The following RNGTT variants were observed in gnomAD, a reference collection of about 807,000 sequenced individuals.
The protein encoded by RNGTT is RNA guanylyltransferase and 5'-phosphatase, also known as mRNA-capping enzyme.
In RNGTT, 33 loss-of-function variants were observed where a neutral mutation model predicts 79.3. The observed-to-expected ratio is 0.42, with a 90% CI of 0.32 to 0.56. The LOEUF is 0.56. Ranked by LOEUF, RNGTT falls within the 20% of genes least tolerant of loss-of-function variation. RNGTT has a pLI of 0.17. For synonymous variants in RNGTT, 222 were observed against 235.9 expected, an observed-to-expected ratio of 0.94 and a Z score of 0.54; for missense variants, 497 against 739.1, an observed-to-expected ratio of 0.67 and a Z score of 3.80.
intron 2 of RNGTT, among the ~76,000 whole-genome samples, chr6:88,930,006 A>T (rs1170137663): frequency 7.1e-6 from 1 of 139,954 alleles, no homozygotes; most frequent in Non-Finnish European, 1.6e-5. Context: ...ACATATATAC[A>T]TATGCATATG....
At chr6:88,885,160 C>T (rs1674428675) in intron 8 of RNGTT, among the ~76,000 whole-genome samples, 1 of 151,962 alleles carries the variant, frequency 6.6e-6, no homozygotes, top group South Asian at 2.1e-4. Flanking sequence ...GCTCTATCTT[C>T]TGAGAGGGCC....
chr6:88,623,357 T>C (rs981794949), intron 14 of RNGTT, among the ~76,000 whole-genome samples: 2 of 152,104 alleles, frequency 1.3e-5, no homozygotes, highest in African/African-American at 4.8e-5. Flanking sequence ...GGTAAATATA[T>C]GTTTTTTCAA....
At chr6:88,893,152 C>T (rs1291854482) in intron 6 of RNGTT, among the ~76,000 whole-genome samples, 1 of 152,020 alleles carries the variant, frequency 6.6e-6, no homozygotes, top group East Asian at 1.9e-4. Flanking sequence ...AAAGAAAGCT[C>T]AACCAGATAG....
chr6:88,829,409 C>T (rs886501183), intron 11 of RNGTT, among the ~76,000 whole-genome samples: 1 of 152,086 alleles, frequency 6.6e-6, no homozygotes, highest in Non-Finnish European at 1.5e-5. Context: ...CAGTATCAAC[C>T]ACTGCAAAAA....
intron 14 of RNGTT, among the ~76,000 whole-genome samples, chr6:88,658,652 G>A (rs72921575): frequency 0.01 from 1,599 of 152,320 alleles, 14 homozygotes; most frequent in Middle Eastern, 0.024. Context: ...TAACATTTGA[G>A]TCTGTGGACT....
intron 13 of RNGTT, among the ~76,000 whole-genome samples, chr6:88,710,168 G>A (rs1199937292): frequency 6.6e-6 from 1 of 152,176 alleles, no homozygotes; most frequent in Non-Finnish European, 1.5e-5. Flanking sequence ...GCTGAGGCTG[G>A]AGGATCCCTG....
chr6:88,623,050 A>C (rs1295501735), intron 14 of RNGTT, among the ~76,000 whole-genome samples: 1 of 152,104 alleles, frequency 6.6e-6, no homozygotes, highest in Non-Finnish European at 1.5e-5. Flanking sequence ...ATTTAAGCTA[A>C]GACCCATAGG....
chr6:88,702,610 G>C (rs1448605793), intron 13 of RNGTT, among the ~76,000 whole-genome samples: 5 of 152,020 alleles, frequency 3.3e-5, no homozygotes, highest in Non-Finnish European at 1.5e-5. Flanking sequence ...AAGAATCCTA[G>C]AAGAAAACCT....
At chr6:88,671,436 G>A (rs1339155270) in intron 14 of RNGTT, among the ~76,000 whole-genome samples, 1 of 152,100 alleles carries the variant, frequency 6.6e-6, no homozygotes, top group Admixed American at 6.5e-5. Flanking sequence ...ACAAAACATT[G>A]CTGAAAGAAA....
chr6:88,676,323 C>T (rs979631757), intron 14 of RNGTT, among the ~76,000 whole-genome samples: 7 of 151,534 alleles, frequency 4.6e-5, no homozygotes, highest in African/African-American at 1.7e-4. Context: ...TTTGGAACAT[C>T]TATATATCCA....
intron 14 of RNGTT, among the ~76,000 whole-genome samples, chr6:88,641,757 GA>G: frequency 6.6e-6 from 1 of 152,152 alleles, no homozygotes. Flanking sequence ...AAAGGCAGCA[GA>G]CTCATTGAAG....
At chr6:88,645,584 C>G (rs141507976) in intron 14 of RNGTT, among the ~76,000 whole-genome samples, 1 of 152,166 alleles carries the variant, frequency 6.6e-6, no homozygotes, top group African/African-American at 2.4e-5. Context: ...GGAGGCATCA[C>G]GCTACCTGAC....
At chr6:88,647,678 G>A (rs1047954460) in intron 14 of RNGTT, among the ~76,000 whole-genome samples, 3 of 127,096 alleles carry the variant, frequency 2.4e-5, no homozygotes, top group Non-Finnish European at 4.7e-5. Context: ...ACTCCAGCCT[G>A]GGTGACAGAA....
chr6:88,759,405 A>G (rs1264916868), intron 13 of RNGTT, among the ~76,000 whole-genome samples: 1 of 152,180 alleles, frequency 6.6e-6, no homozygotes, highest in Non-Finnish European at 1.5e-5. Flanking sequence ...GGTGTTAGAC[A>G]CCAAAATCTT....
At chr6:88,871,537 CTAGAT>C (rs968250877) in intron 8 of RNGTT, among the ~76,000 whole-genome samples, 1 of 152,010 alleles carries the variant, frequency 6.6e-6, no homozygotes, top group Non-Finnish European at 1.5e-5. Flanking sequence ...ACCTCTTGGG[CTAGAT>C]TAGATTAGAT....
At chr6:88,855,614 C>T (rs1017507165) in intron 8 of RNGTT, among the ~76,000 whole-genome samples, 3 of 151,938 alleles carry the variant, frequency 2.0e-5, no homozygotes, top group African/African-American at 4.8e-5. Flanking sequence ...GTCTGGGGAG[C>T]AGATGGAGAG....
chr6:88,715,718 G>T (rs913148546), intron 13 of RNGTT, among the ~76,000 whole-genome samples: 2 of 152,138 alleles, frequency 1.3e-5, no homozygotes, highest in Admixed American at 6.5e-5. Flanking sequence ...AATGGGGAAA[G>T]GATTCCCTAT....
intron 8 of RNGTT, among the ~76,000 whole-genome samples, chr6:88,876,898 T>C (rs1382846290): frequency 6.6e-6 from 1 of 152,202 alleles, no homozygotes; most frequent in East Asian, 1.9e-4. Flanking sequence ...CAGATTTTGG[T>C]AATAGGTAAT....
intron 8 of RNGTT, among the ~76,000 whole-genome samples, chr6:88,888,818 T>C (rs1214795928): frequency 6.6e-6 from 1 of 152,158 alleles, no homozygotes; most frequent in Non-Finnish European, 1.5e-5. Flanking sequence ...TCACCTGAGA[T>C]AGGGAGTTCG....
Sources: gnomAD v4.1 joint callset for allele counts (sites outside exome capture counted in the v4.1 genomes callset) on GRCh38, gnomAD v4.1.1 for gene constraint, MANE v1.5 for transcripts, NCBI Gene and HGNC (gene_info 2026-07-23, HGNC 2026-07-21) for gene names.